The following DAPK1 variants were observed in gnomAD, a reference collection of about 807,000 sequenced individuals.
The protein encoded by DAPK1 is death-associated protein kinase 1.
DAPK1 carries 56 observed loss-of-function variants against 144.9 expected under a neutral mutation model. The ratio of observed to expected loss-of-function variants is 0.39; its 90% CI spans 0.31 to 0.48. The LOEUF is 0.48. Ranked by LOEUF, DAPK1 falls within the 20% of genes least tolerant of loss-of-function variation. DAPK1 has a pLI of 0.95. For missense variants in DAPK1, 1,454 were observed against 1,875.4 expected, an observed-to-expected ratio of 0.78 and a Z score of 4.15; for synonymous variants, 690 against 749.0, an observed-to-expected ratio of 0.92 and a Z score of 1.29.
At chr9:87,676,818 C>T (rs985965755) in intron 19 of DAPK1, among the ~76,000 whole-genome samples, 6 of 152,196 alleles carry the variant, frequency 3.9e-5, no homozygotes, top group Non-Finnish European at 4.4e-5. Flanking sequence ...TTGGATGGTC[C>T]TCAGTGCTGT....
intron 3 of DAPK1, among the ~76,000 whole-genome samples, chr9:87,617,301 G>C (rs1829130012): frequency 6.6e-6 from 1 of 152,130 alleles, no homozygotes; most frequent in Admixed American, 6.5e-5. Context: ...AGACATGGAG[G>C]GTGAGGGCCA....
At chr9:87,502,207 T>A (rs1355001935) in intron 2 of DAPK1, among the ~76,000 whole-genome samples, 1 of 152,026 alleles carries the variant, frequency 6.6e-6, no homozygotes, top group Non-Finnish European at 1.5e-5. Context: ...GCCTCCACTA[T>A]GATTCTGAAT....
At chr9:87,672,509 G>A (rs1487318417) in intron 19 of DAPK1, among the ~76,000 whole-genome samples, 1 of 152,138 alleles carries the variant, frequency 6.6e-6, no homozygotes, top group Admixed American at 6.5e-5. Context: ...TACCTGTGCT[G>A]AGCCACCTGC....
At chr9:87,510,446 A>C (rs1345175269) in intron 2 of DAPK1, among the ~76,000 whole-genome samples, 1 of 152,256 alleles carries the variant, frequency 6.6e-6, no homozygotes, top group Non-Finnish European at 1.5e-5. Context: ...GAAATGGCCC[A>C]GCCGGTTTCT....
At chr9:87,662,573 T>TGTTG (rs1564056419) in intron 18 of DAPK1, among the ~76,000 whole-genome samples, 1 of 140,076 alleles carries the variant, frequency 7.1e-6, no homozygotes, top group Non-Finnish European at 1.5e-5. Flanking sequence ...TTTTTTTTTT[T>TGTTG]TTTTTTTTTT....
At chr9:87,702,897 C>T (rs1352299532) in intron 24 of DAPK1, 132 bp from the exon 25 acceptor site, 1 of 617,770 alleles carries the variant, frequency 1.6e-6, no homozygotes, top group Non-Finnish European at 3.0e-6. Context: ...ACGTCAACAA[C>T]AACAAAAAAA....
At position 87,658,067 on chromosome 9, in the gene DAPK1, A is replaced by G; in HGVS notation, c.1863A>G (p.Gly621=). The G allele has an allele frequency of 6.4e-7, 1 of 1,552,558 alleles. No homozygotes were observed. Among genetic ancestry groups the G allele is most frequent in the Non-Finnish European group, 8.9e-7 (1 of 1,124,412 alleles). Residue 621 remains glycine (G), a synonymous_variant, in exon 18 of 26, where the codon GGA becomes GGG. Coordinates refer to ENST00000408954, the MANE Select transcript of DAPK1 (RefSeq NM_004938.4). ...CTCTGCACCTTGCGGCCAACAACGGAATCCTAGACGTGGTCCGGTATCTCT... is the reference window on the plus strand; with the variant it reads ...CTCTGCACCTTGCGGCCAACAACGGGATCCTAGACGTGGTCCGGTATCTCT... ...RTPLHLAANN[G]ILDVVRYLCL...
rs114183949 is a variant in DAPK1 at position 87,537,763 on chromosome 9, T to C, written c.62+38624T>C. ...TCTGGAAGCAGCAGATGGTGTGAAGTGTGCAGCTGTGAAGTTAGAAGAAAA... is the reference window on the plus strand; with the variant it reads ...TCTGGAAGCAGCAGATGGTGTGAAGCGTGCAGCTGTGAAGTTAGAAGAAAA... On this transcript the variant is annotated intron_variant, in intron 2 of 25. Transcript: ENST00000408954. Among the ~76,000 whole-genome samples the C allele has an allele frequency of 7.2e-3, 1,090 of 152,268 alleles. 17 individuals carry two copies. Among genetic ancestry groups the C allele is most frequent in the African/African-American group, 0.025 (1,036 of 41,572 alleles).
chr9:87,680,634 G>T (rs544926114), intron 19 of DAPK1, among the ~76,000 whole-genome samples: 1 of 141,206 alleles, frequency 7.1e-6, no homozygotes, highest in Non-Finnish European at 1.6e-5. Context: ...TAAAGTGTGG[G>T]GGTCACACAC....
rs113143540 is a variant in DAPK1 at position 87,545,316 on chromosome 9, C to T, written c.62+46177C>T. 4.2e-3 allele frequency among the ~76,000 whole-genome samples: 636 copies of T among 152,252 alleles called. 8 individuals are homozygous for T. The highest frequency in any genetic ancestry group is 0.015 in the African/African-American group (607 of 41,538). ...AACCAACAGCTAAACTGTTGTTAAT[C>T]TCAGCTCTGGCAGTTACTTGGGATG... is the stretch of plus-strand genomic sequence containing the variant. On this transcript the variant is annotated intron_variant, in intron 2 of 25. Coordinates refer to ENST00000408954, the MANE Select transcript of DAPK1 (RefSeq NM_004938.4).
At chr9:87,638,443 A>T (rs1325442137) in intron 4 of DAPK1, among the ~76,000 whole-genome samples, 1 of 152,204 alleles carries the variant, frequency 6.6e-6, no homozygotes, top group Non-Finnish European at 1.5e-5. Context: ...GTGTTGAGTG[A>T]TGCAAAGGCG....
intron 3 of DAPK1, among the ~76,000 whole-genome samples, chr9:87,636,343 G>A (rs1829893910): frequency 6.6e-6 from 1 of 152,174 alleles, no homozygotes; most frequent in Admixed American, 6.5e-5. Context: ...CCAGGCCCCT[G>A]GGGATAGGAG....
In DAPK1 at chr9:87,640,850, G is replaced by T; in HGVS notation, c.828+3G>T. 2 of 1,613,980 alleles carry T rather than the reference G, an allele frequency of 1.2e-6. No homozygotes were observed. Among genetic ancestry groups the T allele is most frequent in the East Asian group, 4.5e-5 (2 of 44,878 alleles). On this transcript the variant is annotated splice_donor_region_variant and intron_variant, in intron 9 of 25. Transcript: ENST00000408954. ...GTTTGCAGCATCCCTGGATCAAGGT[G>T]AGTTGCATATTACGAAACTGTTTAG...
At chr9:87,508,063 A>G (rs1274543185) in intron 2 of DAPK1, among the ~76,000 whole-genome samples, 1 of 152,136 alleles carries the variant, frequency 6.6e-6, no homozygotes, top group Non-Finnish European at 1.5e-5. Context: ...CCCAGACTAG[A>G]GTGCAGTGGC....
At chr9:87,566,855 C>G (rs998833905) in intron 2 of DAPK1, among the ~76,000 whole-genome samples, 1 of 152,208 alleles carries the variant, frequency 6.6e-6, no homozygotes, top group South Asian at 2.1e-4. Flanking sequence ...CATCATTGCA[C>G]TGATGAAACA....
intron 3 of DAPK1, chr9:87,632,721 G>C: frequency 1.0e-6 from 1 of 979,654 alleles, no homozygotes; most frequent in South Asian, 4.7e-5. Flanking sequence ...TACATGTAGA[G>C]ATGAAGGAGG....
intron 2 of DAPK1, among the ~76,000 whole-genome samples, chr9:87,521,278 CCAGCA>C (rs57031073): frequency 0.013 from 1,985 of 152,294 alleles, 29 homozygotes; most frequent in African/African-American, 0.045. Flanking sequence ...CTCTTGTGAG[CCAGCA>C]CAGGCAGGCT....
rs143254199 is a variant in DAPK1 at position 87,565,677 on chromosome 9, T to C, written c.63-39277T>C. 3.3e-5 allele frequency among the ~76,000 whole-genome samples: 5 copies of C among 152,360 alleles called. No homozygotes were observed. In the East Asian group the frequency reaches 7.7e-4, roughly 24 times the overall value. ...CTTCTTGAAATCTGAGGTTTGGGCT[T>C]GAACCCAGACCTACCATTTTCAATT... On this transcript the variant is annotated intron_variant, in intron 2 of 25. Transcript: ENST00000408954.
intron 24 of DAPK1, among the ~76,000 whole-genome samples, chr9:87,702,523 G>A (rs966113698): frequency 2.0e-5 from 3 of 152,158 alleles, no homozygotes; most frequent in East Asian, 1.9e-4. Flanking sequence ...GAGAGAGAGC[G>A]AGGGAAGAAA....
Sources: gnomAD v4.1 joint callset for allele counts (sites outside exome capture counted in the v4.1 genomes callset) on GRCh38, gnomAD v4.1.1 for gene constraint, MANE v1.5 for transcripts, NCBI Gene and HGNC (gene_info 2026-07-23, HGNC 2026-07-21) for gene names.